The following H2BC18 variants were observed in gnomAD, a reference collection of about 807,000 sequenced individuals.
H2BC18 encodes the protein histone H2B type 2-F.
Under a neutral mutation model 6.3 loss-of-function variants are expected in H2BC18, and 8 were observed. The ratio of observed to expected loss-of-function variants is 1.28; its 90% CI spans 0.75 to 2.31. H2BC18 has a LOEUF of 2.31. H2BC18 is among the 30% of genes most tolerant of loss of function. H2BC18 has a pLI of 0.00. For synonymous variants in H2BC18, 104 were observed against 78.1 expected (o/e 1.33, Z -1.75); for missense variants, 106 against 174.5 (o/e 0.61, Z 2.21).
At chr1:149,792,769 C>G in intron 1 of H2BC18, 1 of 1,278,778 alleles carries the variant, frequency 7.8e-7, no homozygotes. Flanking sequence ...TATTTGCATT[C>G]CTGGAGGCTG....
At chr1:149,798,558 C>T (rs1230188309) in intron 1 of H2BC18, among the ~76,000 whole-genome samples, 1 of 151,184 alleles carries the variant, frequency 6.6e-6, no homozygotes, top group Non-Finnish European at 1.5e-5. Flanking sequence ...TGGAGCACTA[C>T]CTTTATGAAT....
intron 1 of H2BC18, among the ~76,000 whole-genome samples, chr1:149,799,333 T>C (rs1168170297): frequency 6.6e-6 from 1 of 152,212 alleles, no homozygotes; most frequent in Admixed American, 6.5e-5. Context: ...TCATAAGCAT[T>C]TTCCCTGAAT....
downstream of H2BC18, among the ~76,000 whole-genome samples, chr1:149,807,611 G>C (rs2091932283): frequency 6.7e-6 from 1 of 149,156 alleles, no homozygotes; most frequent in Non-Finnish European, 1.5e-5. Flanking sequence ...TTCGAGACCA[G>C]CCTGGCCAAC....
downstream of H2BC18, among the ~76,000 whole-genome samples, chr1:149,808,131 A>G (rs2091940010): frequency 1.3e-5 from 2 of 151,430 alleles, no homozygotes; most frequent in East Asian, 3.9e-4. Flanking sequence ...CAGAATAAAA[A>G]TGGAATGAGA....
At chr1:149,787,406 C>G (rs1231873325) in intron 1 of H2BC18, 1 of 152,076 alleles carries the variant, frequency 6.6e-6, no homozygotes, top group East Asian at 1.9e-4. Context: ...AGGTGTATGT[C>G]GAAAGGAAAA....
intron 1 of H2BC18, among the ~76,000 whole-genome samples, chr1:149,789,386 A>C (rs1418322007): frequency 6.6e-6 from 1 of 151,248 alleles, no homozygotes; most frequent in Non-Finnish European, 1.5e-5. Flanking sequence ...GAGCGAGACT[A>C]CGTCTCAAAT....
chr1:149,804,255 A>T (rs1428278403), intron 1 of H2BC18, among the ~76,000 whole-genome samples: 2 of 152,032 alleles, frequency 1.3e-5, no homozygotes, highest in African/African-American at 4.8e-5. Context: ...ATTGACATGA[A>T]GTATTAAAAG....
downstream of H2BC18, among the ~76,000 whole-genome samples, chr1:149,808,841 A>G (rs1464290770): frequency 2.0e-5 from 3 of 151,742 alleles, no homozygotes; most frequent in Non-Finnish European, 2.9e-5. Context: ...TTCCTAGTTA[A>G]ACACTGACAT....
chr1:149,796,952 AC>A (rs1344235488), intron 1 of H2BC18, among the ~76,000 whole-genome samples: 1 of 152,176 alleles, frequency 6.6e-6, no homozygotes, highest in African/African-American at 2.4e-5. Context: ...TCGTTGTGTC[AC>A]CCAGGCTGGA....
At chr1:149,796,876 T>A (rs2091806089) in intron 1 of H2BC18, among the ~76,000 whole-genome samples, 1 of 152,212 alleles carries the variant, frequency 6.6e-6, no homozygotes, top group South Asian at 2.1e-4. Flanking sequence ...TTGTATAATA[T>A]ATTCTCTCCT....
chr1:149,791,584 G>T lies in H2BC18; in HGVS notation c.378-8324C>A, dbSNP rs587604979. 1.9e-6 allele frequency: 3 copies of T among 1,579,142 alleles called. No individual in the cohort carries two copies. The South Asian group carries it at 3.5e-5, about 18-fold the overall frequency. ...CCCACTTGCTCCCCGTGAGCACTGC[G>T]TACAAACATCCAAAAGTTCAACAAC... On this transcript the variant is annotated intron_variant, in intron 1 of 1. Transcript: ENST00000545683.
chr1:149,787,335 A>AGAG (rs1553750944), intron 1 of H2BC18: 1 of 152,216 alleles, frequency 6.6e-6, no homozygotes, highest in Non-Finnish European at 1.5e-5. Context: ...ATTTTTACTT[A>AGAG]GCCAAACCAA....
intron 1 of H2BC18, among the ~76,000 whole-genome samples, chr1:149,789,415 A>G (rs1211071778): frequency 4.0e-5 from 6 of 150,134 alleles, no homozygotes; most frequent in South Asian, 4.2e-4. Flanking sequence ...TAATAATAAT[A>G]ATAATGATGA....
chr1:149,788,393 G>C lies in H2BC18; in HGVS notation c.378-5133C>G, dbSNP rs375716672. ...TGGCTACTACTGCAGGTCTCCAGCA[G>C]AGTCTTCACGGAAGGAGAACCTCTG... On this transcript the variant is annotated intron_variant, in intron 1 of 1. Coordinates refer to the H2BC18 transcript ENST00000545683. 6.8e-6 allele frequency: 11 copies of C among 1,613,264 alleles called. No homozygotes were observed. The African/African-American group carries it at 1.2e-4, about 18-fold the overall frequency.
At chr1:149,808,744 G>A (rs2091946477), downstream of H2BC18, among the ~76,000 whole-genome samples, 1 of 152,104 alleles carries the variant, frequency 6.6e-6, no homozygotes, top group South Asian at 2.1e-4. Context: ...CAAGTCATAT[G>A]ATCTGCTATA....
At chr1:149,788,915 C>T (rs1181648099) in intron 1 of H2BC18, among the ~76,000 whole-genome samples, 2 of 151,852 alleles carry the variant, frequency 1.3e-5, no homozygotes, top group Non-Finnish European at 2.9e-5. Flanking sequence ...GTAAAGAATA[C>T]AGACTCACTC....
Position 149,801,620 on chromosome 1 carries a change from A to T in H2BC18, c.377+10327T>A, listed in dbSNP as rs667571. Reference sequence around the variant, plus strand: ...TTACACTCCAGGTGGTCCGTCTCAGAAGCCTGAACTCTTTACTAATACACT... The same window carrying T: ...TTACACTCCAGGTGGTCCGTCTCAGTAGCCTGAACTCTTTACTAATACACT... On this transcript the variant is annotated intron_variant, in intron 1 of 1. Coordinates refer to the H2BC18 transcript ENST00000545683. 8.7e-4 allele frequency among the ~76,000 whole-genome samples: 128 copies of T among 147,312 alleles called. No individual in the cohort carries two copies. In the Middle Eastern group the frequency reaches 0.014, roughly 16 times the overall value.
chr1:149,795,574 A>AC (rs1269402534), intron 1 of H2BC18, among the ~76,000 whole-genome samples: 1 of 128,280 alleles, frequency 7.8e-6, no homozygotes, highest in East Asian at 2.2e-4. Context: ...AGATTCTTTT[A>AC]CTCTTACTCT....
rs6699135 is a variant in H2BC18 at position 149,792,646 on chromosome 1, C to T, written c.378-9386G>A. The T allele has an allele frequency of 2.5e-3, 3,183 of 1,273,262 alleles. 242 individuals are homozygous for T. In the African/African-American group the frequency reaches 0.032, roughly 13 times the overall value. 78.9% of individuals were successfully genotyped at this position (1,273,262 alleles called of 1,614,324 possible). A position where few individuals can be genotyped will look rare whatever the true frequency, so the allele number is the denominator to read the frequency against. On this transcript the variant is annotated intron_variant, in intron 1 of 1. Transcript: ENST00000545683. ...GGCCGCATGTGCATATTGCAGCCTC[C>T]GCCTGTATCTGGGGGCCGCAGCCGC...
Sources: allele counts gnomAD v4.1 joint callset (sites outside exome capture counted in the v4.1 genomes callset), GRCh38; gene constraint gnomAD v4.1.1; transcripts MANE v1.5; gene names NCBI Gene and HGNC (gene_info 2026-07-23, HGNC 2026-07-21).